LRMDA: variants seen among roughly 807,000 people sequenced by gnomAD.
The protein encoded by LRMDA is leucine-rich melanocyte differentiation-associated protein.
LRMDA carries 18 observed loss-of-function variants against 29.8 expected under a neutral mutation model. The ratio of observed to expected loss-of-function variants is 0.60; its 90% CI spans 0.42 to 0.90. The LOEUF (loss-of-function observed/expected upper bound fraction) is 0.90. LRMDA is among the 40% of genes least tolerant of loss of function. The probability of loss-of-function intolerance (pLI) is 0.00; values close to 1 mark genes in which losing one functional copy is unlikely to be tolerated. For missense variants in LRMDA, 273 were observed against 273.9 expected (o/e 1.00, Z 0.02); for synonymous variants, 125 against 109.4 (o/e 1.14, Z -0.89).
At chr10:75,908,158 G>A (rs1845786715) in intron 2 of LRMDA, among the ~76,000 whole-genome samples, 1 of 152,208 alleles carries the variant, frequency 6.6e-6, no homozygotes, top group Admixed American at 6.5e-5. Flanking sequence ...GGAAAGGAAG[G>A]TGCTGTCTTT....
intron 2 of LRMDA, among the ~76,000 whole-genome samples, chr10:75,827,267 G>A (rs913122918): frequency 5.3e-5 from 8 of 152,118 alleles, no homozygotes; most frequent in African/African-American, 1.9e-4. Context: ...AGTCAGTGGA[G>A]GTACCAGAGG....
At chr10:76,007,012 G>T (rs1847677880) in intron 2 of LRMDA, among the ~76,000 whole-genome samples, 1 of 115,062 alleles carries the variant, frequency 8.7e-6, no homozygotes. Flanking sequence ...GTGTGTGTGT[G>T]TGTGTGTGTG....
chr10:75,806,702 T>C (rs1206976050), intron 2 of LRMDA, among the ~76,000 whole-genome samples: 2 of 151,470 alleles, frequency 1.3e-5, no homozygotes, highest in East Asian at 1.9e-4. Flanking sequence ...CCCTTACAAA[T>C]TGCAGGCTAC....
At chr10:76,502,359 A>G (rs1396407411) in intron 6 of LRMDA, among the ~76,000 whole-genome samples, 1 of 152,032 alleles carries the variant, frequency 6.6e-6, no homozygotes, top group African/African-American at 2.4e-5. Flanking sequence ...TTTTTGTTTC[A>G]TATGAATTTT....
chr10:75,674,341 GTTAT>G (rs1308699780), intron 2 of LRMDA, among the ~76,000 whole-genome samples: 1 of 152,026 alleles, frequency 6.6e-6, no homozygotes, highest in Admixed American at 6.6e-5. Context: ...AAATGCAGTT[GTTAT>G]TTATATATAT....
chr10:76,441,659 C>G (rs572215812), intron 6 of LRMDA, among the ~76,000 whole-genome samples: 205 of 152,262 alleles, frequency 1.3e-3, no homozygotes, highest in African/African-American at 4.6e-3. Flanking sequence ...GCCTTTCCAG[C>G]CCCCATCCAG....
At chr10:75,570,021 A>G (rs778810562) in intron 2 of LRMDA, among the ~76,000 whole-genome samples, 6 of 152,238 alleles carry the variant, frequency 3.9e-5, no homozygotes, top group African/African-American at 1.4e-4. Context: ...TACACAGTAT[A>G]TTAGCAATAG....
At chr10:75,438,551 C>CT in intron 2 of LRMDA, 57 bp downstream of exon 2, 1 of 1,336,950 alleles carries the variant, frequency 7.5e-7, no homozygotes, top group Admixed American at 2.0e-5. Flanking sequence ...CTCCTGGGTA[C>CT]TTTAGGGCCA....
At position 76,515,153 on chromosome 10, in the gene LRMDA, T is replaced by C. The variant is rs376815050; in HGVS notation, c.602-42056T>C. 1.1e-4 allele frequency among the ~76,000 whole-genome samples: 16 copies of C among 152,340 alleles called. No homozygotes were observed. In the East Asian group the frequency reaches 2.5e-3, roughly 24 times the overall value. The stretch of plus-strand genomic sequence containing the variant: ...ACCATGGTATGCTGTGATGTGCTGT[T>C]TCTGCTTCTGTTCTGTGTGGCCACT... On this transcript the variant is annotated intron_variant, in intron 6 of 6. Coordinates refer to ENST00000611255, the MANE Select transcript of LRMDA (RefSeq NM_001305581.2).
At chr10:75,508,912 G>A (rs963810536) in intron 2 of LRMDA, among the ~76,000 whole-genome samples, 1 of 152,074 alleles carries the variant, frequency 6.6e-6, no homozygotes, top group Admixed American at 6.6e-5. Context: ...ATGTCTTTAT[G>A]GTGTTTTTTC....
At chr10:76,123,558 AG>A (rs1849827773) in intron 5 of LRMDA, among the ~76,000 whole-genome samples, 1 of 152,208 alleles carries the variant, frequency 6.6e-6, no homozygotes, top group Admixed American at 6.5e-5. Flanking sequence ...AAACACAGAA[AG>A]GTGCTGATGA....
At chr10:75,738,456 C>T (rs531207910) in intron 2 of LRMDA, among the ~76,000 whole-genome samples, 23 of 152,242 alleles carry the variant, frequency 1.5e-4, no homozygotes, top group Admixed American at 5.2e-4. Flanking sequence ...CATTCTTAAC[C>T]GGTGATAGTG....
intron 2 of LRMDA, among the ~76,000 whole-genome samples, chr10:75,535,212 G>A (rs1212523673): frequency 1.3e-5 from 2 of 151,672 alleles, no homozygotes; most frequent in African/African-American, 4.8e-5. Context: ...TATCAGGATT[G>A]CACTGTGATT....
At chr10:76,359,691 TCGTAAGTAATCAGGTA>T (rs1267587971) in intron 6 of LRMDA, among the ~76,000 whole-genome samples, 2 of 152,204 alleles carry the variant, frequency 1.3e-5, no homozygotes, top group African/African-American at 4.8e-5. Flanking sequence ...CTGACCACTT[TCGTAAGTAATCAGGTA>T]GACTTCTAAT....
chr10:76,375,474 AG>A (rs1380955485), intron 6 of LRMDA, among the ~76,000 whole-genome samples: 2 of 152,186 alleles, frequency 1.3e-5, no homozygotes, highest in Non-Finnish European at 2.9e-5. Context: ...TACCTGCCAA[AG>A]AAAAGTTTTG....
At chr10:76,473,548 C>T (rs1842638831) in intron 6 of LRMDA, among the ~76,000 whole-genome samples, 1 of 150,314 alleles carries the variant, frequency 6.7e-6, no homozygotes, top group South Asian at 2.1e-4. Flanking sequence ...CAACTGGATG[C>T]AGATTGGAAA....
chr10:76,183,764 G>A (rs925210464), intron 5 of LRMDA, among the ~76,000 whole-genome samples: 1 of 152,138 alleles, frequency 6.6e-6, no homozygotes, highest in Non-Finnish European at 1.5e-5. Flanking sequence ...TGTCACCCAG[G>A]CTGGAGTACA....
chr10:76,491,964 C>T (rs1842837819), intron 6 of LRMDA, among the ~76,000 whole-genome samples: 1 of 151,998 alleles, frequency 6.6e-6, no homozygotes, highest in Non-Finnish European at 1.5e-5. Flanking sequence ...CTTATCAGCT[C>T]TGCTGATAGG....
intron 2 of LRMDA, among the ~76,000 whole-genome samples, chr10:75,870,231 A>G (rs2132331097): frequency 6.6e-6 from 1 of 152,368 alleles, no homozygotes; most frequent in Non-Finnish European, 1.5e-5. Context: ...GTTTTATTGG[A>G]ACACAGCTGG....
Sources: gnomAD v4.1 joint callset for allele counts (sites outside exome capture counted in the v4.1 genomes callset) on GRCh38, gnomAD v4.1.1 for gene constraint, MANE v1.5 for transcripts, NCBI Gene and HGNC (gene_info 2026-07-23, HGNC 2026-07-21) for gene names.